The following DACH2 variants were observed in gnomAD, a reference collection of about 807,000 sequenced individuals.
DACH2 encodes dachshund family transcription factor 2, also known as dachshund homolog 2.
A neutral mutation model predicts 35.8 loss-of-function variants in DACH2; 17 were observed. The ratio of observed to expected loss-of-function variants is 0.48; its 90% CI spans 0.33 to 0.71. The LOEUF is 0.71. Ranked by LOEUF, DACH2 falls within the 30% of genes least tolerant of loss-of-function variation. The pLI, the probability that DACH2 is intolerant of heterozygous loss-of-function variation, is 0.02. For missense variants in DACH2, 469 were observed against 472.7 expected, an observed-to-expected ratio of 0.99 and a Z score of 0.07; for synonymous variants, 195 against 177.3, an observed-to-expected ratio of 1.10 and a Z score of -0.79.
chrX:86,409,391 C>T (rs1321438964), intron 2 of DACH2, among the ~76,000 whole-genome samples: 1 of 111,427 alleles, frequency 9.0e-6, no homozygotes, highest in Non-Finnish European at 1.9e-5. Context: ...GAAATGTAAT[C>T]TCCAAAGTTA....
rs2033409984 is a variant in DACH2 at position 86,251,976 on chromosome X, C to G, written c.488+102868C>G. Among the ~76,000 whole-genome samples, 3 of 111,269 alleles carry G rather than the reference C, an allele frequency of 2.7e-5. No individual in the cohort carries two copies. In the South Asian group the frequency reaches 1.1e-3, roughly 42 times the overall value. ...CCCATCAGCAGCATAGAAGTGTTTC[C>G]TTTTCACTGCGTCCATGCCAATATC... On this transcript the variant is annotated intron_variant, in intron 1 of 11. Coordinates refer to ENST00000373125, the MANE Select transcript of DACH2 (RefSeq NM_053281.3).
intron 6 of DACH2, among the ~76,000 whole-genome samples, chrX:86,728,611 A>G (rs937292164): frequency 3.6e-5 from 4 of 112,497 alleles, no homozygotes; most frequent in Non-Finnish European, 5.6e-5. Flanking sequence ...AGGAGGGAAG[A>G]ATTATTTCTT....
intron 1 of DACH2, among the ~76,000 whole-genome samples, chrX:86,375,415 A>G (rs1400927503): frequency 2.0e-5 from 2 of 100,800 alleles, no homozygotes; most frequent in Non-Finnish European, 4.0e-5. Context: ...ATATATATGT[A>G]TATATATATA....
At chrX:86,150,159 G>T (rs983272873) in intron 1 of DACH2, among the ~76,000 whole-genome samples, 1 of 112,260 alleles carries the variant, frequency 8.9e-6, no homozygotes, top group Non-Finnish European at 1.9e-5. Flanking sequence ...AAACGCCTGT[G>T]AATTAGTCTT....
chrX:86,607,592 T>A (rs192441835), intron 3 of DACH2, among the ~76,000 whole-genome samples: 141 of 110,389 alleles, frequency 1.3e-3, no homozygotes, highest in Middle Eastern at 9.3e-3. Context: ...GGTATTGTTT[T>A]TTATTATTAT....
At chrX:86,770,858 C>T (rs997356541) in intron 7 of DACH2, among the ~76,000 whole-genome samples, 9 of 112,363 alleles carry the variant, frequency 8.0e-5, no homozygotes, top group Non-Finnish European at 1.5e-4. Flanking sequence ...CCCAATGGTA[C>T]TTACAAAATG....
rs188103001 is a variant in DACH2, at chrX:86,778,128, G to A, written c.1241-34728G>A. Among the ~76,000 whole-genome samples the A allele has an allele frequency of 5.1e-3, 573 of 111,343 alleles. 1 individual carries two copies. The highest frequency in any genetic ancestry group is 0.018 in the African/African-American group (552 of 30,676). The stretch of plus-strand genomic sequence containing the variant: ...TGTGCAGATGTCTCTTTGATATACT[G>A]ATTTCATTTCCTTTGCATATATACC... On this transcript the variant is annotated intron_variant, in intron 7 of 11. Coordinates refer to ENST00000373125, the MANE Select transcript of DACH2 (RefSeq NM_053281.3).
intron 1 of DACH2, among the ~76,000 whole-genome samples, chrX:86,246,387 G>A (rs973343863): frequency 1.2e-5 from 1 of 80,927 alleles, no homozygotes; most frequent in Non-Finnish European, 2.5e-5. Flanking sequence ...AGGTCAACAG[G>A]AAAGAAAAAA....
intron 1 of DACH2, among the ~76,000 whole-genome samples, chrX:86,261,055 C>A (rs1275448499): frequency 8.9e-6 from 1 of 112,155 alleles, no homozygotes; most frequent in East Asian, 2.8e-4. Context: ...TTGATTACTT[C>A]AATTGCCTGC....
At chrX:86,311,924 T>C (rs949101740) in intron 1 of DACH2, among the ~76,000 whole-genome samples, 1 of 111,395 alleles carries the variant, frequency 9.0e-6, no homozygotes, top group African/African-American at 3.3e-5. Context: ...AGTATTACCA[T>C]GCCCTGTGAT....
chrX:86,662,629 G>A (rs553208078), intron 4 of DACH2, among the ~76,000 whole-genome samples: 2 of 110,892 alleles, frequency 1.8e-5, no homozygotes, highest in Admixed American at 9.6e-5. Context: ...GGTTATGTAA[G>A]TTCTTTCTAC....
intron 1 of DACH2, among the ~76,000 whole-genome samples, chrX:86,338,135 C>T (rs1244123827): frequency 9.0e-6 from 1 of 111,562 alleles, no homozygotes; most frequent in Non-Finnish European, 1.9e-5. Flanking sequence ...TAACATCCCA[C>T]TGTAAGTATT....
At chrX:86,685,811 C>T (rs775365625) in intron 4 of DACH2, among the ~76,000 whole-genome samples, 5 of 110,669 alleles carry the variant, frequency 4.5e-5, no homozygotes, top group Non-Finnish European at 9.4e-5. Flanking sequence ...AATTCACTCA[C>T]TGTCAGGAAG....
chrX:86,427,273 G>T (rs1019151256), intron 2 of DACH2, among the ~76,000 whole-genome samples: 4 of 111,176 alleles, frequency 3.6e-5, no homozygotes, highest in Admixed American at 1.9e-4. Context: ...GAGAGATGGG[G>T]TTTTTAGATT....
At chrX:86,523,093 G>A (rs1203551280) in intron 3 of DACH2, among the ~76,000 whole-genome samples, 1 of 111,776 alleles carries the variant, frequency 8.9e-6, no homozygotes, top group Non-Finnish European at 1.9e-5. Flanking sequence ...TTCTTAAGCT[G>A]GTTTGTTTAT....
chrX:86,350,123 A>T (rs1286553784), intron 1 of DACH2, among the ~76,000 whole-genome samples: 1 of 112,345 alleles, frequency 8.9e-6, no homozygotes, highest in Non-Finnish European at 1.9e-5. Flanking sequence ...AGCCGAGATC[A>T]CAACACTGCA....
intron 7 of DACH2, among the ~76,000 whole-genome samples, chrX:86,799,879 A>G (rs757339564): frequency 9.0e-6 from 1 of 111,417 alleles, no homozygotes; most frequent in East Asian, 2.8e-4. Flanking sequence ...TTGAGGGCCA[A>G]CTATATGCTC....
intron 1 of DACH2, among the ~76,000 whole-genome samples, chrX:86,158,831 C>T (rs777399460): frequency 8.6e-4 from 95 of 110,023 alleles, no homozygotes; most frequent in African/African-American, 3.0e-3. Context: ...AAACATTAGA[C>T]TTTTTTCAGT....
intron 2 of DACH2, among the ~76,000 whole-genome samples, chrX:86,464,465 A>G (rs1333421801): frequency 7.2e-5 from 8 of 110,983 alleles, no homozygotes; most frequent in African/African-American, 2.6e-4. Context: ...TGGGAGTTGA[A>G]CCATGAAAAC....
Sources: allele counts gnomAD v4.1 joint callset (sites outside exome capture counted in the v4.1 genomes callset), GRCh38; gene constraint gnomAD v4.1.1; transcripts MANE v1.5; gene names NCBI Gene and HGNC (gene_info 2026-07-23, HGNC 2026-07-21).